Variants in GABRB1 observed in about 807,000 individuals in gnomAD.
The protein encoded by GABRB1 is gamma-aminobutyric acid type A receptor subunit beta1, also known as gamma-aminobutyric acid receptor subunit beta-1.
A neutral mutation model predicts 51.6 loss-of-function variants in GABRB1; 17 were observed. The observed-to-expected ratio is 0.33, with a 90% CI of 0.23 to 0.49. GABRB1 has a LOEUF of 0.49. Ranked by LOEUF, GABRB1 falls within the 20% of genes least tolerant of loss-of-function variation. The pLI, the probability that GABRB1 is intolerant of heterozygous loss-of-function variation, is 0.99. For missense variants in GABRB1, 410 were observed against 600.6 expected (o/e 0.68, Z 3.32); for synonymous variants, 247 against 218.9 (o/e 1.13, Z -1.14).
Position 47,032,515 on chromosome 4 carries a change from CG to C in GABRB1, c.240+33del, listed in dbSNP as rs774827641. 50 of 1,602,636 alleles carry C rather than the reference CG, an allele frequency of 3.1e-5. No individual in the cohort carries two copies. The South Asian group carries it at 5.5e-4, about 18-fold the overall frequency. Reference sequence around the variant, plus strand: ...TGGCCTCCCGAGGGGCCCGGCGGTTCGGCTTACGCAGATGGGAAATGGACAG... The same window carrying C: ...TGGCCTCCCGAGGGGCCCGGCGGTTCGCTTACGCAGATGGGAAATGGACAG... On this transcript the variant is annotated intron_variant, in intron 3 of 8. Transcript: ENST00000295454.
chr4:47,236,461 A>G (rs1721338239), intron 4 of GABRB1, among the ~76,000 whole-genome samples: 1 of 152,166 alleles, frequency 6.6e-6, no homozygotes, highest in South Asian at 2.1e-4. Flanking sequence ...AAAGGAAACA[A>G]AGTTAACATT....
At chr4:47,240,099 A>G (rs1402422724) in intron 4 of GABRB1, among the ~76,000 whole-genome samples, 1 of 152,212 alleles carries the variant, frequency 6.6e-6, no homozygotes, top group Non-Finnish European at 1.5e-5. Context: ...AGGAGTTACC[A>G]TCTGACCCTG....
intron 4 of GABRB1, among the ~76,000 whole-genome samples, chr4:47,251,429 C>CA (rs1721981765): frequency 6.6e-6 from 1 of 152,094 alleles, no homozygotes; most frequent in African/African-American, 2.4e-5. Context: ...TGGCCTCCTG[C>CA]CAGGAGGTGG....
intron 4 of GABRB1, among the ~76,000 whole-genome samples, chr4:47,197,508 T>C (rs1208326842): frequency 1.3e-5 from 2 of 152,112 alleles, no homozygotes; most frequent in African/African-American, 4.8e-5. Flanking sequence ...TGGAGGAAAA[T>C]AATACAAAAT....
chr4:47,397,428 G>A (rs1251232530), intron 5 of GABRB1, among the ~76,000 whole-genome samples: 1 of 152,066 alleles, frequency 6.6e-6, no homozygotes, highest in African/African-American at 2.4e-5. Flanking sequence ...ATTTTCCTAT[G>A]TATTTGGCAC....
intron 3 of GABRB1, among the ~76,000 whole-genome samples, chr4:47,079,914 G>T (rs1727752460): frequency 6.6e-6 from 1 of 150,846 alleles, no homozygotes; most frequent in African/African-American, 2.4e-5. Flanking sequence ...CGAGTTAATG[G>T]GTGCAGCACA....
At position 47,031,960 on chromosome 4, in the gene GABRB1, A is replaced by G; in HGVS notation, c.127A>G (p.Arg43Gly). ...NMSYVKETVD[R>G]LLKGYDIRLR... The stretch of plus-strand genomic sequence containing the variant: ...GTCATACGTGAAAGAGACAGTGGAC[A>G]GATTGCTCAAAGGATATGACATTCG... Residue 43 changes from arginine (R) to glycine (G), a missense_variant, in exon 2 of 9, where the codon AGA (arginine) becomes GGA (glycine). This residue lies in a region of GABRB1 where 56 missense variants were observed against 54.8 expected (regional missense o/e 1.02). Transcript: ENST00000295454. 1 of 1,613,898 alleles carries G rather than the reference A, an allele frequency of 6.2e-7. No homozygotes were observed. The highest frequency in any genetic ancestry group is 8.5e-7 in the Non-Finnish European group (1 of 1,179,996).
chr4:47,276,821 C>G (rs1002842273), intron 4 of GABRB1, among the ~76,000 whole-genome samples: 5 of 152,080 alleles, frequency 3.3e-5, no homozygotes, highest in African/African-American at 9.7e-5. Context: ...CCTCTACCCA[C>G]TCGAAGCCAG....
intron 4 of GABRB1, among the ~76,000 whole-genome samples, chr4:47,302,112 T>C (rs914238249): frequency 6.6e-6 from 1 of 152,164 alleles, no homozygotes; most frequent in African/African-American, 2.4e-5. Flanking sequence ...ACAAGATTCA[T>C]GGTCATATGT....
intron 2 of GABRB1, 82 bp from the exon 3 acceptor site, chr4:47,032,335 A>C: frequency 8.0e-7 from 1 of 1,248,792 alleles, no homozygotes; most frequent in Non-Finnish European, 1.1e-6. Context: ...AGAATGGAGT[A>C]AGGGCTGGGA....
At chr4:47,109,337 G>A (rs1478357231) in intron 3 of GABRB1, among the ~76,000 whole-genome samples, 1 of 152,036 alleles carries the variant, frequency 6.6e-6, no homozygotes, top group Non-Finnish European at 1.5e-5. Flanking sequence ...GACACTCTGA[G>A]TTGGTAAATA....
rs142827924 is a variant in GABRB1 at position 47,398,940 on chromosome 4, G to C, written c.545-4378G>C. ...TGAGTAGCTGGGACTATAGGGGCCC[G>C]CCACCACGTCCGGCTAATTTTCTGT... On this transcript the variant is annotated intron_variant, in intron 5 of 8. Coordinates refer to ENST00000295454, the MANE Select transcript of GABRB1 (RefSeq NM_000812.4). Among the ~76,000 whole-genome samples the C allele has an allele frequency of 2.9e-3, 437 of 152,240 alleles. 2 individuals carry two copies. Among genetic ancestry groups the C allele is most frequent in the African/African-American group, 0.01 (432 of 41,542 alleles).
intron 3 of GABRB1, among the ~76,000 whole-genome samples, chr4:47,112,720 CT>C (rs1715279098): frequency 6.6e-6 from 1 of 151,850 alleles, no homozygotes; most frequent in East Asian, 1.9e-4. Flanking sequence ...AAGTGCCTAC[CT>C]TGTGTCAAGC....
chr4:47,148,659 G>A lies in GABRB1; in HGVS notation c.241-12590G>A, dbSNP rs1717286183. On this transcript the variant is annotated intron_variant, in intron 3 of 8. Transcript: ENST00000295454. ...CCCATATTCCTTAAGGATCACTGTG[G>A]AAGAAAAATGCTGGCCTTCCCTTGG... Among the ~76,000 whole-genome samples the A allele has an allele frequency of 2.0e-5, 3 of 151,658 alleles. No individual in the cohort carries two copies. In the Admixed American group the frequency reaches 2.0e-4, roughly 10 times the overall value.
chr4:47,340,869 C>A lies in GABRB1; in HGVS notation c.544+20660C>A, dbSNP rs115926103. On this transcript the variant is annotated intron_variant, in intron 5 of 8. Transcript: ENST00000295454. ...GCGATGCCAAGTTGACATAAGCAATCTAAGACAAGCATGTCAGAGTTACCT... is the reference window on the plus strand; with the variant it reads ...GCGATGCCAAGTTGACATAAGCAATATAAGACAAGCATGTCAGAGTTACCT... Among the ~76,000 whole-genome samples, 364 of 152,256 alleles carry A rather than the reference C, an allele frequency of 2.4e-3. 3 individuals carry two copies. The highest frequency in any genetic ancestry group is 8.4e-3 in the African/African-American group (348 of 41,554).
chr4:47,154,257 GT>G (rs66516518), intron 3 of GABRB1, among the ~76,000 whole-genome samples: 50 of 137,422 alleles, frequency 3.6e-4, no homozygotes, highest in South Asian at 2.3e-3. Context: ...AATTATGGTT[GT>G]TTTTTTTTTT....
intron 4 of GABRB1, among the ~76,000 whole-genome samples, chr4:47,295,385 A>G (rs969253866): frequency 6.6e-6 from 1 of 152,264 alleles, no homozygotes; most frequent in Admixed American, 6.5e-5. Flanking sequence ...ATGAATAACT[A>G]GAATAACCAA....
chr4:47,327,488 A>AT (rs903123121), intron 5 of GABRB1, among the ~76,000 whole-genome samples: 2 of 152,140 alleles, frequency 1.3e-5, no homozygotes, highest in East Asian at 1.9e-4. Flanking sequence ...GAAACTATGA[A>AT]TTTTTTTGTT....
At chr4:47,239,057 G>T (rs1721429193) in intron 4 of GABRB1, among the ~76,000 whole-genome samples, 2 of 152,060 alleles carry the variant, frequency 1.3e-5, no homozygotes, top group South Asian at 4.1e-4. Context: ...GTTCTTTTAT[G>T]ATGTATTTTT....
Sources: gnomAD v4.1 joint callset for allele counts (sites outside exome capture counted in the v4.1 genomes callset) on GRCh38, gnomAD v4.1.1 for gene constraint, gnomAD v4.1.1 regional missense constraint, MANE v1.5 for transcripts, NCBI Gene and HGNC (gene_info 2026-07-23, HGNC 2026-07-21) for gene names.